FAM81B: variants seen among roughly 807,000 people sequenced by gnomAD.
FAM81B encodes protein FAM81B.
FAM81B carries 60 observed loss-of-function variants against 58.7 expected under a neutral mutation model. The ratio of observed to expected loss-of-function variants is 1.02; its 90% confidence interval spans 0.83 to 1.27. The LOEUF is 1.27. FAM81B is among the 50% of genes most tolerant of loss of function. FAM81B has a pLI of 0.00. For missense variants in FAM81B, 491 were observed against 522.0 expected, an observed-to-expected ratio of 0.94 and a Z score of 0.58; for synonymous variants, 189 against 179.6, an observed-to-expected ratio of 1.05 and a Z score of -0.42.
chr5:95,419,146 C>CTAGT (rs1487895270), intron 4 of FAM81B, among the ~76,000 whole-genome samples: 2 of 152,122 alleles, frequency 1.3e-5, no homozygotes, highest in Non-Finnish European at 2.9e-5. Context: ...AAACCAAACT[C>CTAGT]TAGTTAGTGT....
At chr5:95,436,380 A>G (rs940623685) in intron 6 of FAM81B, among the ~76,000 whole-genome samples, 4 of 152,174 alleles carry the variant, frequency 2.6e-5, no homozygotes, top group Admixed American at 2.6e-4. Context: ...TTGAGCATTT[A>G]CCATTGATCA....
chr5:95,404,445 G>A (rs1378299529), intron 3 of FAM81B, among the ~76,000 whole-genome samples: 1 of 151,914 alleles, frequency 6.6e-6, no homozygotes, highest in African/African-American at 2.4e-5. Flanking sequence ...CTCTCTGAGT[G>A]TGCGAGTGTG....
chr5:95,439,280 T>C (rs1745232696), intron 7 of FAM81B, among the ~76,000 whole-genome samples: 1 of 111,712 alleles, frequency 9.0e-6, no homozygotes. Flanking sequence ...ATTTTAATTT[T>C]ATAAATTTCT....
chr5:95,450,132 C>A lies in FAM81B; in HGVS notation c.1226-17C>A, dbSNP rs1365051089. 1 of 1,598,426 alleles carries A rather than the reference C, an allele frequency of 6.3e-7. No homozygotes were observed. Among genetic ancestry groups the A allele is most frequent in the African/African-American group, 1.4e-5 (1 of 73,622 alleles). On this transcript the variant is annotated splice_polypyrimidine_tract_variant and intron_variant, in intron 9 of 9. Transcript: ENST00000283357. Reference sequence around the variant, plus strand: ...AATGCATTGTTTAAGTGTACCTATTCTTTTACCCTCTTACAGGATTTAAAT... The same window carrying A: ...AATGCATTGTTTAAGTGTACCTATTATTTTACCCTCTTACAGGATTTAAAT...
At chr5:95,409,351 G>A (rs1762348560) in intron 3 of FAM81B, among the ~76,000 whole-genome samples, 1 of 151,888 alleles carries the variant, frequency 6.6e-6, no homozygotes, top group Non-Finnish European at 1.5e-5. Context: ...TAGAGATGGG[G>A]TTTCACCATG....
intron 4 of FAM81B, among the ~76,000 whole-genome samples, chr5:95,416,921 A>G (rs1042278179): frequency 6.6e-6 from 1 of 152,072 alleles, no homozygotes; most frequent in African/African-American, 2.4e-5. Flanking sequence ...GTGCACGCCT[A>G]TAGACACAGC....
At chr5:95,409,691 C>T (rs1034904435) in intron 3 of FAM81B, among the ~76,000 whole-genome samples, 1 of 152,036 alleles carries the variant, frequency 6.6e-6, no homozygotes, top group Non-Finnish European at 1.5e-5. Context: ...CAGTTGAAGC[C>T]TCGCCATCCA....
At chr5:95,446,950 T>TAA (rs200029859) in intron 8 of FAM81B, among the ~76,000 whole-genome samples, 30 of 113,132 alleles carry the variant, frequency 2.7e-4, no homozygotes, top group African/African-American at 1.2e-3. Context: ...GTTTTTTTTT[T>TAA]TAAAAAAAAA....
Position 95,413,965 on chromosome 5 carries a change from C to T in FAM81B, c.312C>T (p.Pro104=). 6.2e-7 allele frequency: 1 copy of T among 1,613,330 alleles called. No individual in the cohort carries two copies. The highest frequency in any genetic ancestry group is 8.5e-7 in the Non-Finnish European group (1 of 1,179,682). The change falls in exon 4 of 10, where the codon CCC becomes CCT. Residue 104 remains proline, a synonymous_variant. Transcript: ENST00000283357. The part of the protein sequence containing the change: ...EYVDKSHAFL[P]IIPNTQRGQL... ...TGATCAGGAGTCATGCTTTTCTCCC[C>T]ATCATTCCAAACACCCAGAGAGGTC... is the stretch of plus-strand genomic sequence containing the variant.
chr5:95,424,819 C>T (rs1009579561), intron 5 of FAM81B, among the ~76,000 whole-genome samples: 1 of 152,046 alleles, frequency 6.6e-6, no homozygotes, highest in African/African-American at 2.4e-5. Flanking sequence ...GCATCTTTTA[C>T]TTTGATAAAA....
intron 3 of FAM81B, among the ~76,000 whole-genome samples, chr5:95,404,209 G>A (rs567678502): frequency 6.6e-5 from 10 of 152,264 alleles, no homozygotes; most frequent in Non-Finnish European, 1.2e-4. Context: ...GCAGAGCCTG[G>A]CATCTTCTTC....
In FAM81B at chr5:95,430,030, C is replaced by T. The variant is rs1744807042; in HGVS notation, c.786+1298C>T. 2.0e-5 allele frequency among the ~76,000 whole-genome samples: 3 copies of T among 152,172 alleles called. No homozygotes were observed. The South Asian group carries it at 6.2e-4, about 32-fold the overall frequency. ...GGCCTTCTAATGTGTTAATACATTT[C>T]CCAATACTGAAACATTCTTGCATTT... On this transcript the variant is annotated intron_variant, in intron 6 of 9. Coordinates refer to ENST00000283357, the MANE Select transcript of FAM81B (RefSeq NM_152548.3).
In FAM81B at chr5:95,428,583, A is replaced by T; in HGVS notation, c.657-20A>T. On this transcript the variant is annotated intron_variant, in intron 5 of 9. Coordinates refer to ENST00000283357, the MANE Select transcript of FAM81B (RefSeq NM_152548.3). ...TGTTATAAAGGTATTGATCCACACC[A>T]ATTTCCATCTTGCCATTAGATGTGA... is the stretch of plus-strand genomic sequence containing the variant. 6.2e-7 allele frequency: 1 copy of T among 1,613,482 alleles called. No individual in the cohort carries two copies. Among genetic ancestry groups the T allele is most frequent in the Non-Finnish European group, 8.5e-7 (1 of 1,179,488 alleles).
intron 2 of FAM81B, among the ~76,000 whole-genome samples, chr5:95,394,044 T>C (rs1480998762): frequency 1.3e-5 from 2 of 152,152 alleles, no homozygotes; most frequent in African/African-American, 4.8e-5. Context: ...ATTTAAAAAA[T>C]TGCACCAAAA....
chr5:95,398,993 G>A (rs1275506549), intron 3 of FAM81B, among the ~76,000 whole-genome samples: 1 of 152,192 alleles, frequency 6.6e-6, no homozygotes, highest in Non-Finnish European at 1.5e-5. Flanking sequence ...CTGCCCATGA[G>A]GCAAATTCCA....
chr5:95,440,220 G>C, intron 7 of FAM81B: 4 of 660,888 alleles, frequency 6.1e-6, no homozygotes, highest in Admixed American at 1.8e-5. Context: ...CTGGCTTCTC[G>C]GTCTAGCTGT....
chr5:95,413,330 T>G (rs1188878008), intron 3 of FAM81B, among the ~76,000 whole-genome samples: 1 of 152,156 alleles, frequency 6.6e-6, no homozygotes, highest in African/African-American at 2.4e-5. Flanking sequence ...CTTAATCCAG[T>G]CAAGGGATTT....
chr5:95,434,682 A>AT (rs1231173299), intron 6 of FAM81B, among the ~76,000 whole-genome samples: 5 of 152,168 alleles, frequency 3.3e-5, no homozygotes, highest in Non-Finnish European at 7.4e-5. Context: ...TTGATTAGGA[A>AT]TTTTTTATTC....
intron 7 of FAM81B, chr5:95,440,534 A>T: frequency 1.8e-6 from 1 of 571,262 alleles, no homozygotes; most frequent in Non-Finnish European, 3.3e-6. Flanking sequence ...TTGATGCAGG[A>T]GATGCAGTTC....
Sources: gnomAD v4.1 joint callset for allele counts (sites outside exome capture counted in the v4.1 genomes callset) on GRCh38, gnomAD v4.1.1 for gene constraint, MANE v1.5 for transcripts, NCBI Gene and HGNC (gene_info 2026-07-23, HGNC 2026-07-21) for gene names.